RBFOX1: variants seen among roughly 807,000 people sequenced by gnomAD.
The protein encoded by RBFOX1 is RNA binding fox-1 homolog 1, also known as RNA binding protein fox-1 homolog 1.
A neutral mutation model predicts 57.7 loss-of-function variants in RBFOX1; 8 were observed. That is an observed-to-expected ratio of 0.14 (90% CI 0.08 to 0.25). RBFOX1 has a LOEUF of 0.25. RBFOX1 is among the 10% of genes least tolerant of loss of function. The probability of loss-of-function intolerance (pLI) is 1.00; values close to 1 mark genes in which losing one functional copy is unlikely to be tolerated. For synonymous variants in RBFOX1, 326 were observed against 222.4 expected (o/e 1.47, Z -4.15); for missense variants, 611 against 548.5 (o/e 1.11, Z -1.14).
At chr16:7,120,278 T>G (rs1473046257) in intron 4 of RBFOX1, among the ~76,000 whole-genome samples, 1 of 140,218 alleles carries the variant, frequency 7.1e-6, no homozygotes, top group Admixed American at 7.0e-5. Context: ...CATAAGAGAC[T>G]ATTAAAAAAA....
At chr16:6,417,945 A>G (rs562643378) in intron 2 of RBFOX1, among the ~76,000 whole-genome samples, 10 of 152,016 alleles carry the variant, frequency 6.6e-5, no homozygotes, top group Admixed American at 1.3e-4. Context: ...TATTAATAAC[A>G]TCTAATCCTT....
At chr16:7,026,158 C>G (rs183846803) in intron 3 of RBFOX1, among the ~76,000 whole-genome samples, 1 of 152,272 alleles carries the variant, frequency 6.6e-6, no homozygotes, top group East Asian at 1.9e-4. Flanking sequence ...TGCGTGGGGT[C>G]TCCCTTAAAC....
intron 14 of RBFOX1, among the ~76,000 whole-genome samples, chr16:7,698,795 A>AAACAT (rs939332590): frequency 1.3e-5 from 2 of 152,188 alleles, no homozygotes; most frequent in African/African-American, 4.8e-5. Context: ...GGAACTTAGG[A>AAACAT]AACATACTCC....
chr16:6,072,068 G>C (rs2095844325), intron 1 of RBFOX1, among the ~76,000 whole-genome samples: 1 of 152,194 alleles, frequency 6.6e-6, no homozygotes. Context: ...CAGCTCCACA[G>C]GGCTGGGGAG....
intron 3 of RBFOX1, among the ~76,000 whole-genome samples, chr16:6,858,137 T>G (rs1460763632): frequency 1.3e-5 from 2 of 152,212 alleles, no homozygotes; most frequent in Non-Finnish European, 2.9e-5. Context: ...ATACAGTTAT[T>G]AACGTGACTG....
At chr16:6,103,148 G>A (rs993240224) in intron 1 of RBFOX1, among the ~76,000 whole-genome samples, 2 of 152,222 alleles carry the variant, frequency 1.3e-5, no homozygotes, top group African/African-American at 4.8e-5. Flanking sequence ...TATTTGCTCA[G>A]TGGGTAGTGG....
chr16:7,437,531 A>G (rs12929388), intron 4 of RBFOX1, among the ~76,000 whole-genome samples: 41,383 of 152,144 alleles, frequency 0.27, 6,467 homozygotes, highest in Non-Finnish European at 0.36. Flanking sequence ...TACCATTTCC[A>G]TAATCAACAT....
chr16:6,500,185 C>T (rs1163356954), intron 2 of RBFOX1, among the ~76,000 whole-genome samples: 1 of 152,180 alleles, frequency 6.6e-6, no homozygotes, highest in African/African-American at 2.4e-5. Flanking sequence ...AATACCTGGT[C>T]ATCATGCTAC....
At chr16:6,149,872 CT>C (rs2096785520) in intron 1 of RBFOX1, among the ~76,000 whole-genome samples, 1 of 152,160 alleles carries the variant, frequency 6.6e-6, no homozygotes, top group Admixed American at 6.5e-5. Context: ...TTTGCCAACT[CT>C]AAATTGCTAT....
intron 1 of RBFOX1, among the ~76,000 whole-genome samples, chr16:5,424,874 TTTTTCTTTCTTTCTTTCTTTC>T (rs1201470617): frequency 7.2e-5 from 7 of 96,686 alleles, no homozygotes; most frequent in African/African-American, 2.4e-4. Flanking sequence ...TTCTTTCTTT[TTTTTCTTTCTTTCTTTCTTTC>T]TTTCTTTCTT....
At chr16:7,587,385 A>G in intron 7 of RBFOX1, 85 bp downstream of exon 7, 1 of 1,294,524 alleles carries the variant, frequency 7.7e-7, no homozygotes, top group East Asian at 2.7e-5. Context: ...CACTGTCTTA[A>G]TCAGCTCATT....
At chr16:6,369,331 G>A (rs964503178) in intron 2 of RBFOX1, among the ~76,000 whole-genome samples, 5 of 152,120 alleles carry the variant, frequency 3.3e-5, no homozygotes, top group Non-Finnish European at 7.4e-5. Context: ...TGAACTTGCT[G>A]GGTCGGATAG....
At chr16:7,486,532 C>G (rs920830804) in intron 4 of RBFOX1, among the ~76,000 whole-genome samples, 2 of 152,128 alleles carry the variant, frequency 1.3e-5, no homozygotes, top group African/African-American at 4.8e-5. Context: ...ACATCCATAA[C>G]TTGGGCATAA....
chr16:7,466,737 C>T (rs2060591882), intron 4 of RBFOX1, among the ~76,000 whole-genome samples: 1 of 152,174 alleles, frequency 6.6e-6, no homozygotes, highest in South Asian at 2.1e-4. Context: ...GCCCAGGTAT[C>T]CACATCATTC....
chr16:5,848,226 C>A (rs1567620144), intron 3 of RBFOX1, among the ~76,000 whole-genome samples: 1 of 152,106 alleles, frequency 6.6e-6, no homozygotes, highest in Non-Finnish European at 1.5e-5. Flanking sequence ...GATATCTTAT[C>A]CAGCCCACCA....
rs537632383 is a variant in RBFOX1, at chr16:6,788,400, C to G, written c.-16+133750C>G. Among the ~76,000 whole-genome samples the G allele has an allele frequency of 1.4e-4, 22 of 151,864 alleles. No individual in the cohort carries two copies. The South Asian group carries it at 2.7e-3, about 19-fold the overall frequency. On this transcript the variant is annotated intron_variant, in intron 3 of 15. Transcript: ENST00000550418. Reference sequence around the variant, plus strand: ...CTAGTTTCATAATAATTATTATCGTCTCTCTGAAAATAGTCAGCCTGCTTT... The same window carrying G: ...CTAGTTTCATAATAATTATTATCGTGTCTCTGAAAATAGTCAGCCTGCTTT...
chr16:6,603,119 C>G (rs568583324), intron 2 of RBFOX1, among the ~76,000 whole-genome samples: 39 of 152,304 alleles, frequency 2.6e-4, no homozygotes, highest in African/African-American at 9.1e-4. Context: ...CCGTTGTGGT[C>G]TTAGCTGAAT....
intron 10 of RBFOX1, among the ~76,000 whole-genome samples, chr16:7,611,621 T>C (rs961797509): frequency 6.6e-6 from 1 of 151,096 alleles, no homozygotes; most frequent in Non-Finnish European, 1.5e-5. Context: ...TTGTATGTAA[T>C]GTTTTGACTC....
At chr16:6,113,697 G>A (rs898777068) in intron 1 of RBFOX1, among the ~76,000 whole-genome samples, 3 of 152,234 alleles carry the variant, frequency 2.0e-5, no homozygotes, top group Non-Finnish European at 2.9e-5. Flanking sequence ...AGCTGAAACT[G>A]GACCTTGGGC....
Sources: gnomAD v4.1 joint callset for allele counts (sites outside exome capture counted in the v4.1 genomes callset) on GRCh38, gnomAD v4.1.1 for gene constraint, MANE v1.5 for transcripts, NCBI Gene and HGNC (gene_info 2026-07-23, HGNC 2026-07-21) for gene names.